Variants in SPARC observed in about 807,000 individuals in gnomAD.
SPARC encodes the protein secreted protein acidic and cysteine rich.
A neutral mutation model predicts 37.7 loss-of-function variants in SPARC; 23 were observed. That is an observed-to-expected ratio of 0.61 (90% CI 0.44 to 0.87). The LOEUF (loss-of-function observed/expected upper bound fraction) is 0.87. Among genes scored for constraint, SPARC ranks in the 40% least tolerant of loss-of-function variants. The pLI, the probability that SPARC is intolerant of heterozygous loss-of-function variation, is 0.00. For synonymous variants in SPARC, 155 were observed against 150.8 expected (o/e 1.03, Z -0.20); for missense variants, 312 against 389.0 (o/e 0.80, Z 1.66).
At position 151,674,644 on chromosome 5, in the gene SPARC, C is replaced by T. The variant is rs1760819664; in HGVS notation, c.88G>A (p.Val30Met). 1.2e-6 allele frequency: 2 copies of T among 1,614,192 alleles called. No individual in the cohort carries two copies. The highest frequency in any genetic ancestry group is 1.7e-6 in the Non-Finnish European group (2 of 1,180,032). Residue 30 changes from valine (V) to methionine (M), a missense_variant, in exon 3 of 10, where the codon GTG becomes ATG. Transcript: ENST00000231061. ...QQEALPDETE[V>M]VEETVAEVTE... ...ACCTCTGCCACAGTTTCTTCCACCA[C>T]CTCTGTCTCATCAGGCAGGGCTTCT...
rs1216616978 is a variant in SPARC at position 151,663,594 on chromosome 5, T to C, written c.889A>G (p.Ile297Val). 6.2e-7 allele frequency: 1 copy of C among 1,613,952 alleles called. No individual in the cohort carries two copies. Among genetic ancestry groups the C allele is most frequent in the African/African-American group, 1.3e-5 (1 of 74,924 alleles). ...AGCFGIKQKD[I>V]DKDLVI ...ATTTAGATCACAAGATCCTTGTCGATATCCTCTGCAAAGCAAGAAAAGAGC... is the reference window on the plus strand; with the variant it reads ...ATTTAGATCACAAGATCCTTGTCGACATCCTCTGCAAAGCAAGAAAAGAGC... Residue 297 changes from isoleucine (I) to valine (V), a missense_variant, in exon 10 of 10, where the codon ATC becomes GTC. By Grantham distance (29) the Ile-to-Val change is conservative. Transcript: ENST00000231061.
chr5:151,669,583 G>T (rs1760701321), intron 6 of SPARC, 81 bp downstream of exon 6: 1 of 1,492,696 alleles, frequency 6.7e-7, no homozygotes, highest in Non-Finnish European at 9.2e-7. Context: ...CACCCAGCAT[G>T]GGGGTGGCAG....
intron 3 of SPARC, 47 bp downstream of exon 3, chr5:151,674,565 G>C (rs781552840): frequency 1.8e-5 from 28 of 1,582,054 alleles, no homozygotes; most frequent in Non-Finnish European, 2.2e-5. Flanking sequence ...TCAGGGCACA[G>C]ATACAGGTAG....
chr5:151,673,521 C>A (rs1423401197), intron 3 of SPARC, among the ~76,000 whole-genome samples: 1 of 152,220 alleles, frequency 6.6e-6, no homozygotes, highest in Admixed American at 6.5e-5. Flanking sequence ...TCTATGCAGT[C>A]ATCCCTCTGA....
At chr5:151,678,936 C>T (rs569063970) in intron 1 of SPARC, 1 of 152,236 alleles carries the variant, frequency 6.6e-6, no homozygotes, top group South Asian at 2.1e-4. Flanking sequence ...CCCTGCCTCC[C>T]CACGAGATAC....
chr5:151,669,533 G>A (rs896323595), intron 6 of SPARC, 131 bp downstream of exon 6: 12 of 1,073,470 alleles, frequency 1.1e-5, no homozygotes, highest in Non-Finnish European at 1.6e-5. Flanking sequence ...TATAAATGGG[G>A]ATGCCGAGAC....
intron 2 of SPARC, among the ~76,000 whole-genome samples, chr5:151,675,449 C>T (rs1178136931): frequency 1.3e-5 from 2 of 152,166 alleles, no homozygotes; most frequent in Admixed American, 1.3e-4. Context: ...TCTCACCTGG[C>T]CAAGAAGCTG....
intron 3 of SPARC, among the ~76,000 whole-genome samples, chr5:151,673,964 CTCTGTG>C (rs1424096004): frequency 1.6e-5 from 2 of 121,954 alleles, no homozygotes; most frequent in Non-Finnish European, 3.3e-5. Context: ...CTCCCCTTTC[CTCTGTG>C]TGTGTGTGTG....
chr5:151,668,218 T>C (rs1295748682), intron 6 of SPARC, among the ~76,000 whole-genome samples: 2 of 150,964 alleles, frequency 1.3e-5, no homozygotes, highest in African/African-American at 4.9e-5. Flanking sequence ...AGTGGCACAA[T>C]CACGGCTCAC....
intron 4 of SPARC, chr5:151,672,601 G>C (rs933524799): frequency 1.3e-5 from 2 of 155,496 alleles, no homozygotes; most frequent in Non-Finnish European, 2.9e-5. Context: ...AGAGCCCCTA[G>C]GTCATTTCTC....
chr5:151,684,485 C>T lies in SPARC; in HGVS notation c.-14+2380G>A, dbSNP rs1003065165. Among the ~76,000 whole-genome samples, 8 of 145,898 alleles carry T rather than the reference C, an allele frequency of 5.5e-5. No homozygotes were observed. The East Asian group carries it at 1.6e-3, about 29-fold the overall frequency. On this transcript the variant is annotated intron_variant, in intron 1 of 9. Transcript: ENST00000231061. ...GAGGGCACAACAGTCTTGGGAAATA[C>T]ACAAGAAGTTCCCCAAATCAAAATG...
At chr5:151,672,861 C>T (rs938591747) in intron 4 of SPARC, 6 of 473,866 alleles carry the variant, frequency 1.3e-5, no homozygotes, top group Middle Eastern at 6.0e-4. Flanking sequence ...GGGCAAAGAG[C>T]TATGAGGGGA....
In SPARC at chr5:151,662,666, A is replaced by G. The variant is rs1210523985; in HGVS notation, c.*905T>C. The G allele has an allele frequency of 6.6e-6, 1 of 152,594 alleles. No homozygotes were observed. The highest frequency in any genetic ancestry group is 1.5e-5 in the Non-Finnish European group (1 of 68,044). The allele number at this position is 152,594 out of a possible 1,614,324, so 9.5% of individuals were successfully genotyped here. On this transcript the variant is annotated 3_prime_UTR_variant, in exon 10 of 10. Coordinates refer to ENST00000231061, the MANE Select transcript of SPARC (RefSeq NM_003118.4). ...AGGAACATGCTAAAAACCTTATGACAATCATCCAAATGTGAGGAAAGAACA... is the reference window on the plus strand; with the variant it reads ...AGGAACATGCTAAAAACCTTATGACGATCATCCAAATGTGAGGAAAGAACA...
intron 1 of SPARC, chr5:151,679,540 A>T (rs1346669620): frequency 6.6e-6 from 1 of 152,464 alleles, no homozygotes; most frequent in African/African-American, 2.4e-5. Context: ...AAGAGAAGGC[A>T]TATTTCCCTT....
chr5:151,677,172 G>A (rs1439302581), intron 1 of SPARC: 1 of 152,212 alleles, frequency 6.6e-6, no homozygotes, highest in Non-Finnish European at 1.5e-5. Flanking sequence ...CCTAACAGAG[G>A]CTCTGTGGTG....
At chr5:151,678,769 C>A (rs1160365927) in intron 1 of SPARC, among the ~76,000 whole-genome samples, 1 of 152,186 alleles carries the variant, frequency 6.6e-6, no homozygotes, top group Non-Finnish European at 1.5e-5. Flanking sequence ...TTGGAATACA[C>A]CTTAAAAGTT....
intron 9 of SPARC, 143 bp downstream of exon 9, chr5:151,663,944 T>C (rs1760567914): frequency 1.0e-6 from 1 of 957,668 alleles, no homozygotes; most frequent in Admixed American, 2.0e-5. Context: ...GAGACAGGAG[T>C]CAAATAGGCA....
intron 6 of SPARC, among the ~76,000 whole-genome samples, chr5:151,669,129 A>G (rs944207990): frequency 6.6e-6 from 1 of 152,166 alleles, no homozygotes; most frequent in African/African-American, 2.4e-5. Flanking sequence ...AGGTTTCCAG[A>G]AGAGGGTGCT....
intron 9 of SPARC, 98 bp downstream of exon 9, chr5:151,663,989 A>G: frequency 2.1e-6 from 3 of 1,436,656 alleles, no homozygotes; most frequent in Non-Finnish European, 2.9e-6. Context: ...GACAGACAAC[A>G]GACAGACCAA....
Sources: gnomAD v4.1 joint callset for allele counts (sites outside exome capture counted in the v4.1 genomes callset) on GRCh38, gnomAD v4.1.1 for gene constraint, MANE v1.5 for transcripts, NCBI Gene and HGNC (gene_info 2026-07-23, HGNC 2026-07-21) for gene names.